The following CDH6 variants were observed in gnomAD, a reference collection of about 807,000 sequenced individuals.
The protein encoded by CDH6 is cadherin-6.
In CDH6, 31 loss-of-function variants were observed where a neutral mutation model predicts 78.0. The ratio of observed to expected loss-of-function variants is 0.40; its 90% CI spans 0.30 to 0.54. The LOEUF is 0.54. Among genes scored for constraint, CDH6 ranks in the 20% least tolerant of loss-of-function variants. The pLI is 0.56. For missense variants in CDH6, 724 were observed against 975.9 expected (o/e 0.74, Z 3.44); for synonymous variants, 376 against 368.8 (o/e 1.02, Z -0.23).
intron 6 of CDH6, among the ~76,000 whole-genome samples, chr5:31,303,583 C>T (rs80256358): frequency 1.2e-4 from 18 of 152,184 alleles, no homozygotes; most frequent in Admixed American, 2.0e-4. Context: ...TACAAAAATA[C>T]GGCAAAAATT....
At chr5:31,319,142 T>C in intron 11 of CDH6, 1 of 177,164 alleles carries the variant, frequency 5.6e-6, no homozygotes, top group Non-Finnish European at 1.2e-5. Flanking sequence ...AAGCCTTGGA[T>C]TGGTAGGGCT....
At chr5:31,312,915 A>G (rs574752897) in intron 7 of CDH6, among the ~76,000 whole-genome samples, 3 of 145,888 alleles carry the variant, frequency 2.1e-5, no homozygotes, top group Admixed American at 7.2e-5. Flanking sequence ...GAAAGTAGAA[A>G]AATAACCAAA....
At chr5:31,206,364 A>G (rs1740522425) in intron 1 of CDH6, among the ~76,000 whole-genome samples, 2 of 152,210 alleles carry the variant, frequency 1.3e-5, no homozygotes, top group Non-Finnish European at 2.9e-5. Context: ...TTTCTTTTTC[A>G]TCCTTCAGTG....
At chr5:31,262,852 T>A (rs1019393204) in intron 1 of CDH6, among the ~76,000 whole-genome samples, 5 of 152,186 alleles carry the variant, frequency 3.3e-5, no homozygotes, top group Non-Finnish European at 5.9e-5. Flanking sequence ...CCCTCTACTT[T>A]GCCTGCTCAG....
intron 1 of CDH6, among the ~76,000 whole-genome samples, chr5:31,243,881 A>G (rs1325388214): frequency 3.9e-5 from 6 of 152,126 alleles, no homozygotes; most frequent in Non-Finnish European, 8.8e-5. Flanking sequence ...TTCCAATCTC[A>G]CGTATAGGTT....
chr5:31,298,272 T>C (rs1344315062), intron 4 of CDH6, among the ~76,000 whole-genome samples: 3 of 152,204 alleles, frequency 2.0e-5, no homozygotes, highest in East Asian at 1.9e-4. Flanking sequence ...TTTTTAAACA[T>C]CCATTATTCT....
chr5:31,201,613 G>A (rs1394297270), intron 1 of CDH6, among the ~76,000 whole-genome samples: 1 of 151,994 alleles, frequency 6.6e-6, no homozygotes, highest in African/African-American at 2.4e-5. Flanking sequence ...ATTTAAATTT[G>A]GCAAGTAACT....
intron 2 of CDH6, among the ~76,000 whole-genome samples, chr5:31,285,651 G>A (rs1304763300): frequency 1.3e-5 from 2 of 152,146 alleles, no homozygotes; most frequent in African/African-American, 4.8e-5. Context: ...ATGAAATAGA[G>A]CATTTCTCTT....
chr5:31,286,230 C>T (rs759956113), intron 2 of CDH6, among the ~76,000 whole-genome samples: 9 of 152,200 alleles, frequency 5.9e-5, no homozygotes, highest in Non-Finnish European at 1.2e-4. Flanking sequence ...TGGTGCCTTC[C>T]TTTATGAACC....
At chr5:31,304,992 A>G (rs927085223) in intron 6 of CDH6, among the ~76,000 whole-genome samples, 182 bp from the exon 7 acceptor site, 1 of 152,182 alleles carries the variant, frequency 6.6e-6, no homozygotes, top group African/African-American at 2.4e-5. Flanking sequence ...CAGCCTAGAT[A>G]TAAGAAAAAA....
chr5:31,285,161 C>T (rs532369843), intron 2 of CDH6, among the ~76,000 whole-genome samples: 12 of 152,326 alleles, frequency 7.9e-5, no homozygotes, highest in African/African-American at 2.2e-4. Context: ...ATATGTGACC[C>T]TGCAACTTAC....
At chr5:31,307,321 TCTTA>T (rs1738017848) in intron 7 of CDH6, among the ~76,000 whole-genome samples, 1 of 152,246 alleles carries the variant, frequency 6.6e-6, no homozygotes, top group South Asian at 2.1e-4. Context: ...GCAGTCATTT[TCTTA>T]CTTTTTCCCA....
intron 2 of CDH6, among the ~76,000 whole-genome samples, chr5:31,268,769 G>C (rs374341185): frequency 2.6e-5 from 4 of 152,260 alleles, no homozygotes; most frequent in Admixed American, 2.0e-4. Flanking sequence ...ACTTCAATCT[G>C]TGATCAAATA....
intron 1 of CDH6, among the ~76,000 whole-genome samples, chr5:31,232,091 T>C (rs1466764130): frequency 6.6e-6 from 1 of 152,220 alleles, no homozygotes; most frequent in East Asian, 1.9e-4. Context: ...AGCTTCTACT[T>C]CTGGTCTTAC....
At chr5:31,256,433 A>G (rs987537466) in intron 1 of CDH6, among the ~76,000 whole-genome samples, 3 of 152,302 alleles carry the variant, frequency 2.0e-5, no homozygotes, top group East Asian at 1.9e-4. Flanking sequence ...CCACCCAGAG[A>G]TAAGAACCAC....
chr5:31,223,572 TTCATTC>T (rs1741059281), intron 1 of CDH6, among the ~76,000 whole-genome samples: 2 of 152,212 alleles, frequency 1.3e-5, no homozygotes, highest in Non-Finnish European at 2.9e-5. Flanking sequence ...TCTCAGTGAT[TTCATTC>T]TTAAAAAACT....
intron 1 of CDH6, among the ~76,000 whole-genome samples, chr5:31,230,768 G>C (rs1430782587): frequency 6.6e-6 from 1 of 152,096 alleles, no homozygotes; most frequent in African/African-American, 2.4e-5. Flanking sequence ...TAATTCTAAA[G>C]AGAAATTAGA....
chr5:31,283,370 G>A (rs996398930), intron 2 of CDH6, among the ~76,000 whole-genome samples: 8 of 152,148 alleles, frequency 5.3e-5, no homozygotes, highest in African/African-American at 1.4e-4. Context: ...ATGTGTTGTG[G>A]TTAATAGAGT....
intron 6 of CDH6, among the ~76,000 whole-genome samples, chr5:31,302,968 G>GA (rs771472132): frequency 0.12 from 14,217 of 118,712 alleles, 1,466 homozygotes; most frequent in Non-Finnish European, 0.16. Flanking sequence ...GGAAAGAAAA[G>GA]AAAGAAAGAA....
Sources: allele counts gnomAD v4.1 joint callset (sites outside exome capture counted in the v4.1 genomes callset), GRCh38; gene constraint gnomAD v4.1.1; transcripts MANE v1.5; gene names NCBI Gene and HGNC (gene_info 2026-07-23, HGNC 2026-07-21).